Variants in CSGALNACT1 observed in about 807,000 individuals in gnomAD.
The protein encoded by CSGALNACT1 is chondroitin sulfate N-acetylgalactosaminyltransferase 1.
A neutral mutation model predicts 51.0 loss-of-function variants in CSGALNACT1; 52 were observed. The ratio of observed to expected loss-of-function variants is 1.02; its 90% CI spans 0.82 to 1.29. The LOEUF is 1.29. Among genes scored for constraint, CSGALNACT1 ranks in the 50% most tolerant of loss-of-function variants. The pLI is 0.00. For missense variants in CSGALNACT1, 935 were observed against 679.2 expected (o/e 1.38, Z -4.19); for synonymous variants, 341 against 254.4 (o/e 1.34, Z -3.24).
chr8:19,526,129 G>A (rs919174232), intron 3 of CSGALNACT1, among the ~76,000 whole-genome samples: 15 of 152,234 alleles, frequency 9.9e-5, no homozygotes, highest in Admixed American at 4.6e-4. Context: ...CCTACCTCCC[G>A]CTACGCTTTG....
intron 2 of CSGALNACT1, among the ~76,000 whole-genome samples, chr8:19,593,537 G>A (rs902368878): frequency 3.9e-5 from 6 of 152,152 alleles, no homozygotes; most frequent in African/African-American, 1.2e-4. Flanking sequence ...GCCATCTGCA[G>A]GTTCTAGATG....
chr8:19,642,173 T>A (rs923938938), intron 1 of CSGALNACT1, among the ~76,000 whole-genome samples: 7 of 152,230 alleles, frequency 4.6e-5, no homozygotes, highest in African/African-American at 1.7e-4. Context: ...CTTAGAGACA[T>A]CTGTGTTTCC....
At chr8:19,417,080 C>G (rs975268105) in intron 8 of CSGALNACT1, among the ~76,000 whole-genome samples, 5 of 152,044 alleles carry the variant, frequency 3.3e-5, no homozygotes, top group Admixed American at 3.3e-4. Flanking sequence ...GTCTCAAACT[C>G]CTGGCCTCAA....
intron 3 of CSGALNACT1, among the ~76,000 whole-genome samples, chr8:19,521,940 T>C (rs1479707523): frequency 1.3e-5 from 2 of 152,240 alleles, no homozygotes; most frequent in African/African-American, 4.8e-5. Context: ...TGTCCATTTG[T>C]TCTGACGTTG....
intron 1 of CSGALNACT1, among the ~76,000 whole-genome samples, chr8:19,666,801 AAGAAAGAAAGAGAGAGAG>A (rs1490432425): frequency 4.6e-5 from 1 of 21,760 alleles, no homozygotes; most frequent in African/African-American, 3.4e-4. Context: ...GAAAGAAAGA[AAGAAAGAAAGAGAGAGAG>A]AGAGAGAGAG....
chr8:19,458,409 C>T lies in CSGALNACT1; in HGVS notation c.851+17G>A, dbSNP rs565634377. On this transcript the variant is annotated intron_variant, in intron 5 of 9. Coordinates refer to ENST00000454498, the Ensembl canonical transcript of CSGALNACT1. ...CACATCATGCGGAGGAAGATAAACA[C>T]GTGCGAACAAACCAACCTGAAATTC... The T allele has an allele frequency of 2.3e-5, 37 of 1,595,452 alleles. No individual in the cohort carries two copies. The highest frequency in any genetic ancestry group is 1.7e-4 in the South Asian group (15 of 90,696).
chr8:19,459,617 G>A (rs1413376457), intron 4 of CSGALNACT1, among the ~76,000 whole-genome samples: 1 of 152,078 alleles, frequency 6.6e-6, no homozygotes, highest in Non-Finnish European at 1.5e-5. Context: ...GCATGACTCA[G>A]GGAATCAGAG....
intron 1 of CSGALNACT1, among the ~76,000 whole-genome samples, chr8:19,700,297 G>C (rs1382176502): frequency 6.6e-6 from 1 of 151,978 alleles, no homozygotes; most frequent in African/African-American, 2.4e-5. Flanking sequence ...AGCACTCACA[G>C]GTTTGCTTTC....
chr8:19,625,949 A>G (rs1279763414), intron 1 of CSGALNACT1, among the ~76,000 whole-genome samples: 2 of 152,228 alleles, frequency 1.3e-5, no homozygotes, highest in African/African-American at 4.8e-5. Context: ...TTCAAAAGTT[A>G]TTTGCAAAGA....
intron 1 of CSGALNACT1, chr8:19,689,081 A>G (rs1040791487): frequency 6.6e-6 from 1 of 152,104 alleles, no homozygotes; most frequent in African/African-American, 2.4e-5. Context: ...AAACATACCA[A>G]AATCTTTGAT....
chr8:19,457,469 C>T (rs1339867023), intron 5 of CSGALNACT1: 11 of 372,068 alleles, frequency 3.0e-5, no homozygotes, highest in South Asian at 1.9e-4. Context: ...AAAAATTAGC[C>T]GGGCATGGTA....
intron 4 of CSGALNACT1, among the ~76,000 whole-genome samples, chr8:19,501,010 G>T (rs769519846): frequency 1.2e-4 from 18 of 152,102 alleles, no homozygotes; most frequent in Non-Finnish European, 2.5e-4. Flanking sequence ...AGCACTTTGG[G>T]AGGCTGAGAT....
rs578197929 is a variant in CSGALNACT1, at chr8:19,692,528, A to C, written c.-297+65322T>G. On this transcript the variant is annotated intron_variant, in intron 1 of 1. Coordinates refer to the CSGALNACT1 transcript ENST00000517494. ...AGGATGAAAATGATCATTTTTCTTTATCGAGTGACAGGAAGTGGGACAAGG... is the reference window on the plus strand; with the variant it reads ...AGGATGAAAATGATCATTTTTCTTTCTCGAGTGACAGGAAGTGGGACAAGG... Among the ~76,000 whole-genome samples, 12 of 152,278 alleles carry C rather than the reference A, an allele frequency of 7.9e-5. No individual in the cohort carries two copies. In the East Asian group the frequency reaches 1.5e-3, roughly 20 times the overall value.
At chr8:19,465,235 C>T (rs947250225) in intron 4 of CSGALNACT1, among the ~76,000 whole-genome samples, 3 of 152,110 alleles carry the variant, frequency 2.0e-5, no homozygotes, top group African/African-American at 2.4e-5. Context: ...AAGTGAAATG[C>T]GCCAGTCACA....
intron 1 of CSGALNACT1, among the ~76,000 whole-genome samples, chr8:19,711,582 A>G (rs1421219735): frequency 3.3e-5 from 5 of 152,242 alleles, no homozygotes; most frequent in Non-Finnish European, 5.9e-5. Flanking sequence ...AAAAATTAAT[A>G]TATTTCAGAA....
rs368482055 is a variant in CSGALNACT1 at position 19,482,009 on chromosome 8, C to G, written c.634+23192G>C. Among the ~76,000 whole-genome samples, 15 of 152,288 alleles carry G rather than the reference C, an allele frequency of 9.8e-5. No individual in the cohort carries two copies. The East Asian group carries it at 2.3e-3, about 24-fold the overall frequency. ...ACTCAATAGGACATAGGCAAACACA[C>G]CGATGCTTTCACGTTATCAGCTCTT... On this transcript the variant is annotated intron_variant, in intron 4 of 9. Transcript: ENST00000454498.
chr8:19,572,317 C>G (rs904991412), intron 3 of CSGALNACT1, among the ~76,000 whole-genome samples: 1 of 152,162 alleles, frequency 6.6e-6, no homozygotes, highest in Non-Finnish European at 1.5e-5. Context: ...TAATGTTCAC[C>G]TTTCCTTGTC....
intron 1 of CSGALNACT1, among the ~76,000 whole-genome samples, chr8:19,755,478 A>AAAAAAAAAAAAAAAAAAT (rs2065307974): frequency 6.8e-6 from 1 of 147,824 alleles, no homozygotes; most frequent in Non-Finnish European, 1.5e-5. Context: ...AAAAAAAAAA[A>AAAAAAAAAAAAAAAAAAT]AAAGACAACA....
intron 3 of CSGALNACT1, among the ~76,000 whole-genome samples, chr8:19,529,810 A>G (rs1186874478): frequency 6.6e-6 from 1 of 152,240 alleles, no homozygotes; most frequent in African/African-American, 2.4e-5. Flanking sequence ...ATCCTCCTGT[A>G]TACTTTAAAT....
Sources: allele counts gnomAD v4.1 joint callset (sites outside exome capture counted in the v4.1 genomes callset), GRCh38; gene constraint gnomAD v4.1.1; transcripts MANE v1.5; gene names NCBI Gene and HGNC (gene_info 2026-07-23, HGNC 2026-07-21).